Variants in EFNA5 observed in about 807,000 individuals in gnomAD.
The protein encoded by EFNA5 is ephrin-A5.
EFNA5 carries 5 observed loss-of-function variants against 22.9 expected under a neutral mutation model. That is an observed-to-expected ratio of 0.22 (90% CI 0.11 to 0.46). EFNA5 has a LOEUF of 0.46. Among genes scored for constraint, EFNA5 ranks in the 20% least tolerant of loss-of-function variants. The pLI, the probability that EFNA5 is intolerant of heterozygous loss-of-function variation, is 0.99. For synonymous variants in EFNA5, 113 were observed against 112.2 expected (o/e 1.01, Z -0.04); for missense variants, 237 against 293.3 (o/e 0.81, Z 1.40).
chr5:107,505,482 G>A (rs1163322588), intron 1 of EFNA5, among the ~76,000 whole-genome samples: 1 of 152,152 alleles, frequency 6.6e-6, no homozygotes, highest in Non-Finnish European at 1.5e-5. Flanking sequence ...AGGAGATTTA[G>A]GTCATTGATC....
In EFNA5 at chr5:107,486,144, A is replaced by C. The variant is rs188951751; in HGVS notation, c.126-58635T>G. ...TTATTGATTCATTTTAACTCAAATAAAATTCCAATAATTTGATGGACATGA... is the reference window on the plus strand; with the variant it reads ...TTATTGATTCATTTTAACTCAAATACAATTCCAATAATTTGATGGACATGA... On this transcript the variant is annotated intron_variant, in intron 1 of 4. Coordinates refer to ENST00000333274, the MANE Select transcript of EFNA5 (RefSeq NM_001962.3). 3.7e-3 allele frequency among the ~76,000 whole-genome samples: 560 copies of C among 152,342 alleles called. 9 individuals carry two copies. Among genetic ancestry groups the C allele is most frequent in the Middle Eastern group, 0.01 (3 of 294 alleles).
intron 1 of EFNA5, among the ~76,000 whole-genome samples, chr5:107,599,671 A>C (rs1749548567): frequency 6.6e-6 from 1 of 152,266 alleles, no homozygotes. Context: ...ACTGCAGTCT[A>C]GAAAGATTTG....
At chr5:107,612,740 C>A (rs182167642) in intron 1 of EFNA5, among the ~76,000 whole-genome samples, 1 of 152,048 alleles carries the variant, frequency 6.6e-6, no homozygotes, top group African/African-American at 2.4e-5. Flanking sequence ...GTGATATTCC[C>A]GTCAGTCACT....
intron 1 of EFNA5, among the ~76,000 whole-genome samples, chr5:107,572,359 A>C (rs1748832613): frequency 6.6e-6 from 1 of 152,256 alleles, no homozygotes; most frequent in Non-Finnish European, 1.5e-5. Context: ...ACCGCCCCAA[A>C]CCACAATCTT....
intron 4 of EFNA5, among the ~76,000 whole-genome samples, chr5:107,386,526 C>T (rs919421653): frequency 2.0e-5 from 3 of 152,114 alleles, no homozygotes; most frequent in Non-Finnish European, 4.4e-5. Context: ...TTATGGGAAA[C>T]ATTAGGAGTG....
rs113377829 is a variant in EFNA5, at chr5:107,621,548, T to C, written c.125+48941A>G. ...AGGGAAGCCATGGAACACAAAGCTG[T>C]AGAAAACGCATTTTGAGACAGGCAA... On this transcript the variant is annotated intron_variant, in intron 1 of 4. Transcript: ENST00000333274. Among the ~76,000 whole-genome samples, 898 of 152,288 alleles carry C rather than the reference T, an allele frequency of 5.9e-3. 8 individuals carry two copies. Among genetic ancestry groups the C allele is most frequent in the African/African-American group, 0.021 (858 of 41,564 alleles).
intron 1 of EFNA5, among the ~76,000 whole-genome samples, chr5:107,445,870 G>A (rs1187662607): frequency 6.6e-6 from 1 of 152,170 alleles, no homozygotes; most frequent in Admixed American, 6.5e-5. Flanking sequence ...GGTAGTTATC[G>A]AGTAAATCAG....
At chr5:107,567,273 A>C (rs1381953580) in intron 1 of EFNA5, among the ~76,000 whole-genome samples, 2 of 152,190 alleles carry the variant, frequency 1.3e-5, no homozygotes, top group South Asian at 4.1e-4. Context: ...AAGATGAAAT[A>C]AATCTTTAAA....
chr5:107,569,383 T>TTTTTATGTATATGTGTGTATATATATA lies in EFNA5; in HGVS notation c.125+101105_125+101106insTATATATATACACACATATACATAAAA, dbSNP rs1561435713. On this transcript the variant is annotated intron_variant, in intron 1 of 4. Coordinates refer to ENST00000333274, the MANE Select transcript of EFNA5 (RefSeq NM_001962.3). ...TATATACGTGTATATATATATATAT[T>TTTTTATGTATATGTGTGTATATATATA]TTTATGTATATGTGTGTATATATAT... Among the ~76,000 whole-genome samples the TTTTTATGTATATGTGTGTATATATATA allele has an allele frequency of 3.1e-3, 424 of 137,394 alleles. 2 individuals carry two copies. The highest frequency in any genetic ancestry group is 0.012 in the African/African-American group (388 of 33,126). The allele number at this position is 137,394 out of a possible 152,430, so 90.1% of individuals were successfully genotyped here. A position where few individuals can be genotyped will look rare whatever the true frequency, so the allele number is the denominator to read the frequency against.
intron 1 of EFNA5, among the ~76,000 whole-genome samples, chr5:107,508,478 A>G (rs538936663): frequency 6.6e-6 from 1 of 152,212 alleles, no homozygotes; most frequent in African/African-American, 2.4e-5. Flanking sequence ...TAATTCCTGT[A>G]TATGTCTTTT....
At chr5:107,633,033 T>C (rs906569553) in intron 1 of EFNA5, among the ~76,000 whole-genome samples, 1 of 152,218 alleles carries the variant, frequency 6.6e-6, no homozygotes, top group African/African-American at 2.4e-5. Flanking sequence ...TTTTTATTTC[T>C]TGCTTTCCAA....
At chr5:107,620,665 G>C (rs1271033230) in intron 1 of EFNA5, among the ~76,000 whole-genome samples, 5 of 152,220 alleles carry the variant, frequency 3.3e-5, no homozygotes, top group Admixed American at 3.3e-4. Context: ...ACTCTTTAGT[G>C]AATATTTCTT....
At chr5:107,511,900 C>T (rs1186908414) in intron 1 of EFNA5, among the ~76,000 whole-genome samples, 2 of 152,166 alleles carry the variant, frequency 1.3e-5, no homozygotes, top group African/African-American at 4.8e-5. Flanking sequence ...TGCCTACTCA[C>T]AATGCATTCC....
intron 1 of EFNA5, among the ~76,000 whole-genome samples, chr5:107,448,916 T>G (rs1186633887): frequency 1.3e-5 from 2 of 151,738 alleles, no homozygotes; most frequent in African/African-American, 4.8e-5. Flanking sequence ...TGTTCATTAT[T>G]TTGCAGCTCT....
intron 1 of EFNA5, among the ~76,000 whole-genome samples, chr5:107,627,631 A>G (rs2112533648): frequency 7.9e-6 from 1 of 126,548 alleles, no homozygotes; most frequent in Admixed American, 8.1e-5. Context: ...TCAAGACCAC[A>G]TCTCAAAAAA....
intron 2 of EFNA5, among the ~76,000 whole-genome samples, chr5:107,424,121 T>C (rs910891128): frequency 6.6e-6 from 1 of 151,962 alleles, no homozygotes; most frequent in Non-Finnish European, 1.5e-5. Flanking sequence ...TCCACAGTCT[T>C]CACTATACTT....
intron 1 of EFNA5, among the ~76,000 whole-genome samples, chr5:107,643,489 T>C (rs1202251187): frequency 6.6e-5 from 10 of 152,110 alleles, no homozygotes; most frequent in Non-Finnish European, 2.9e-5. Flanking sequence ...CATCCTGGGG[T>C]GCTCTCCAGA....
chr5:107,663,307 A>C (rs1401255629), intron 1 of EFNA5, among the ~76,000 whole-genome samples: 1 of 152,136 alleles, frequency 6.6e-6, no homozygotes, highest in Non-Finnish European at 1.5e-5. Flanking sequence ...TATTTTTTCT[A>C]ATCTCTAAGT....
intron 1 of EFNA5, among the ~76,000 whole-genome samples, chr5:107,644,828 A>G (rs967048345): frequency 6.6e-6 from 1 of 152,066 alleles, no homozygotes; most frequent in African/African-American, 2.4e-5. Context: ...CAGCCTCCTG[A>G]GTAGCTGGGA....
Sources: allele counts gnomAD v4.1 joint callset (sites outside exome capture counted in the v4.1 genomes callset), GRCh38; gene constraint gnomAD v4.1.1; transcripts MANE v1.5; gene names NCBI Gene and HGNC (gene_info 2026-07-23, HGNC 2026-07-21).